CAMK1D: variants seen among roughly 807,000 people sequenced by gnomAD.
CAMK1D encodes calcium/calmodulin dependent protein kinase ID, also known as calcium/calmodulin-dependent protein kinase type 1D.
In CAMK1D, 9 loss-of-function variants were observed where a neutral mutation model predicts 47.7. The ratio of observed to expected loss-of-function variants is 0.19; its 90% CI spans 0.11 to 0.33. The LOEUF (loss-of-function observed/expected upper bound fraction) is 0.33, where lower values mean the gene tolerates loss of function less well. Ranked by LOEUF, CAMK1D falls within the 10% of genes least tolerant of loss-of-function variation. The pLI is 1.00. For synonymous variants in CAMK1D, 184 were observed against 184.9 expected, an observed-to-expected ratio of 0.99 and a Z score of 0.04; for missense variants, 291 against 488.7, an observed-to-expected ratio of 0.60 and a Z score of 3.81.
At chr10:12,803,755 T>C (rs929316089) in intron 6 of CAMK1D, among the ~76,000 whole-genome samples, 2 of 152,104 alleles carry the variant, frequency 1.3e-5, no homozygotes, top group African/African-American at 4.8e-5. Flanking sequence ...GATGCCCAGG[T>C]CTCTTCTTCA....
At chr10:12,528,736 CTT>C (rs34250007) in intron 1 of CAMK1D, among the ~76,000 whole-genome samples, 8 of 137,892 alleles carry the variant, frequency 5.8e-5, no homozygotes, top group Middle Eastern at 3.8e-3. Flanking sequence ...AAATCCTCAT[CTT>C]TTTTTTTTTT....
intron 8 of CAMK1D, among the ~76,000 whole-genome samples, chr10:12,816,742 C>T (rs940752024): frequency 1.5e-4 from 23 of 151,738 alleles, no homozygotes; most frequent in Admixed American, 5.3e-4. Flanking sequence ...CATGGTGGCG[C>T]GCGCCTGTAA....
intron 1 of CAMK1D, among the ~76,000 whole-genome samples, chr10:12,497,978 T>C (rs767931622): frequency 1.2e-4 from 19 of 152,174 alleles, no homozygotes; most frequent in Non-Finnish European, 2.8e-4. Flanking sequence ...TCTTCCATGG[T>C]AGCAGGCAAG....
At chr10:12,565,631 T>G (rs542683512) in intron 2 of CAMK1D, among the ~76,000 whole-genome samples, 1 of 152,292 alleles carries the variant, frequency 6.6e-6, no homozygotes, top group African/African-American at 2.4e-5. Context: ...CCTTCAAGGG[T>G]TTTAAAGTTA....
intron 1 of CAMK1D, among the ~76,000 whole-genome samples, chr10:12,388,142 C>T (rs887090476): frequency 1.1e-4 from 16 of 152,198 alleles, no homozygotes; most frequent in African/African-American, 3.9e-4. Flanking sequence ...CCTGGCTCAG[C>T]CTCCCAAGTA....
chr10:12,394,450 T>TC (rs1838861629), intron 1 of CAMK1D, among the ~76,000 whole-genome samples: 1 of 152,170 alleles, frequency 6.6e-6, no homozygotes, highest in South Asian at 2.1e-4. Flanking sequence ...CCTGGTTGGT[T>TC]CCCCTGGTAA....
chr10:12,719,416 A>T (rs1248767232), intron 3 of CAMK1D, among the ~76,000 whole-genome samples: 1 of 133,140 alleles, frequency 7.5e-6, no homozygotes, highest in Non-Finnish European at 1.7e-5. Flanking sequence ...TCAGGAAAAA[A>T]AAAAAGAAAA....
At chr10:12,451,060 T>C (rs1186119577) in intron 1 of CAMK1D, among the ~76,000 whole-genome samples, 5 of 152,060 alleles carry the variant, frequency 3.3e-5, no homozygotes, top group Admixed American at 1.3e-4. Flanking sequence ...AGGAGAACCA[T>C]TCTTTCCCAC....
intron 3 of CAMK1D, among the ~76,000 whole-genome samples, chr10:12,718,368 T>C (rs1834237276): frequency 6.6e-6 from 1 of 152,244 alleles, no homozygotes. Context: ...ATTGCAATAT[T>C]TGATTTTTAT....
At chr10:12,375,396 G>A (rs750852448) in intron 1 of CAMK1D, among the ~76,000 whole-genome samples, 10 of 152,310 alleles carry the variant, frequency 6.6e-5, no homozygotes, top group Non-Finnish European at 1.2e-4. Flanking sequence ...CGCCTTCCGT[G>A]TGAGGATTGC....
At chr10:12,440,278 C>G (rs938928360) in intron 1 of CAMK1D, among the ~76,000 whole-genome samples, 1 of 133,730 alleles carries the variant, frequency 7.5e-6, no homozygotes, top group Non-Finnish European at 1.6e-5. Context: ...ATACGTTAGT[C>G]TTTTTGGATT....
chr10:12,754,670 T>A (rs1588889149), intron 3 of CAMK1D, among the ~76,000 whole-genome samples: 1 of 152,098 alleles, frequency 6.6e-6, no homozygotes, highest in Non-Finnish European at 1.5e-5. Context: ...AAGATCAGGG[T>A]GTCAGCAGGG....
intron 1 of CAMK1D, among the ~76,000 whole-genome samples, chr10:12,479,550 G>A (rs1191089045): frequency 1.3e-5 from 2 of 152,234 alleles, no homozygotes; most frequent in Non-Finnish European, 2.9e-5. Flanking sequence ...CGCCGCTGCT[G>A]TGGGGACCAT....
At chr10:12,431,828 C>T (rs60177289) in intron 1 of CAMK1D, among the ~76,000 whole-genome samples, 3 of 152,368 alleles carry the variant, frequency 2.0e-5, no homozygotes, top group African/African-American at 7.2e-5. Context: ...TTACAACCTT[C>T]TCACATCCGC....
At chr10:12,683,088 A>AT (rs63493960) in intron 3 of CAMK1D, among the ~76,000 whole-genome samples, 63,960 of 134,836 alleles carry the variant, frequency 0.47, 15,800 homozygotes, top group Non-Finnish European at 0.53. Context: ...CACCCAGCTA[A>AT]TTTTTTTTTT....
At chr10:12,580,721 T>C (rs890939875) in intron 2 of CAMK1D, among the ~76,000 whole-genome samples, 1 of 152,176 alleles carries the variant, frequency 6.6e-6, no homozygotes, top group Non-Finnish European at 1.5e-5. Context: ...GAGAGGGTCC[T>C]ATGGGGAACC....
At chr10:12,626,614 T>C (rs1165489307) in intron 2 of CAMK1D, among the ~76,000 whole-genome samples, 6 of 151,976 alleles carry the variant, frequency 3.9e-5, no homozygotes, top group Non-Finnish European at 8.8e-5. Flanking sequence ...GCTAGGATTA[T>C]AGATGCATGC....
At chr10:12,709,630 G>A (rs1833862209) in intron 3 of CAMK1D, among the ~76,000 whole-genome samples, 2 of 152,148 alleles carry the variant, frequency 1.3e-5, no homozygotes, top group Admixed American at 1.3e-4. Context: ...AGGAGGGCCT[G>A]TGTGTTTTAA....
At chr10:12,375,223 A>T (rs1384023444) in intron 1 of CAMK1D, among the ~76,000 whole-genome samples, 1 of 152,188 alleles carries the variant, frequency 6.6e-6, no homozygotes, top group Non-Finnish European at 1.5e-5. Flanking sequence ...TGAGTAATGG[A>T]TGGAGAGTTT....
Sources: gnomAD v4.1 joint callset for allele counts (sites outside exome capture counted in the v4.1 genomes callset) on GRCh38, gnomAD v4.1.1 for gene constraint, MANE v1.5 for transcripts, NCBI Gene and HGNC (gene_info 2026-07-23, HGNC 2026-07-21) for gene names.